BAZ2B: variants seen among roughly 807,000 people sequenced by gnomAD.
The protein encoded by BAZ2B is bromodomain adjacent to zinc finger domain protein 2B.
In BAZ2B, 91 loss-of-function variants were observed where a neutral mutation model predicts 246.0. That is an observed-to-expected ratio of 0.37 (90% CI 0.31 to 0.44). The LOEUF (loss-of-function observed/expected upper bound fraction) is 0.44. Ranked by LOEUF, BAZ2B falls within the 20% of genes least tolerant of loss-of-function variation. The pLI is 1.00. For missense variants in BAZ2B, 2,332 were observed against 2,533.7 expected, an observed-to-expected ratio of 0.92 and a Z score of 1.71; for synonymous variants, 855 against 860.0, an observed-to-expected ratio of 0.99 and a Z score of 0.10.
chr2:159,462,367 A>T (rs2076511653), intron 3 of BAZ2B: 2 of 1,153,178 alleles, frequency 1.7e-6, no homozygotes, highest in Non-Finnish European at 2.6e-6. Flanking sequence ...GTCTTTCCAC[A>T]TACTGAAGAA....
In BAZ2B at chr2:159,433,163, AAT is replaced by A; in HGVS notation, c.1492_1493del (p.Ile498SerfsTer16). The A allele has an allele frequency of 6.2e-7, 1 of 1,614,186 alleles. No homozygotes were observed. Among genetic ancestry groups the A allele is most frequent in the Non-Finnish European group, 8.5e-7 (1 of 1,180,022 alleles). Reference protein sequence around the residue: ...LLGNHQPNGVIQSVIQEAPLA... With the variant: ...LLGNHQPNGVXQSVIQEAPLA... ...GAGGAGCTTCTTGAATGACACTTTG[AAT>A]AACTCCATTTGGTTGGTGATTACCT... On this transcript the variant is annotated frameshift_variant, in exon 9 of 37. Coordinates refer to ENST00000392783, the MANE Select transcript of BAZ2B (RefSeq NM_013450.4). LOFTEE classifies it high-confidence loss of function.
At chr2:159,468,648 G>A (rs756972688) in intron 3 of BAZ2B, among the ~76,000 whole-genome samples, 2 of 152,192 alleles carry the variant, frequency 1.3e-5, no homozygotes, top group Non-Finnish European at 1.5e-5. Flanking sequence ...TAAAACTTAT[G>A]TGCCGCAGCT....
chr2:159,688,283 T>C, the BAZ2B span, among the ~76,000 whole-genome samples: 1 of 152,194 alleles, frequency 6.6e-6, no homozygotes, highest in Non-Finnish European at 1.5e-5. Flanking sequence ...CTCAAGCAGC[T>C]TCCCAAAATG....
At chr2:159,604,951 T>TGTGTGTGCGC (rs137899225) in intron 1 of BAZ2B, among the ~76,000 whole-genome samples, 15 of 144,428 alleles carry the variant, frequency 1.0e-4, no homozygotes, top group African/African-American at 3.4e-4. Flanking sequence ...TGTGTGTGTG[T>TGTGTGTGCGC]GCGCGTGTGT....
At chr2:159,627,122 A>T in the BAZ2B span, among the ~76,000 whole-genome samples, 1 of 152,186 alleles carries the variant, frequency 6.6e-6, no homozygotes, top group Admixed American at 6.5e-5. Context: ...AACAAAGAAG[A>T]AGTTGAATCC....
chr2:159,589,536 T>C (rs1688812576), intron 1 of BAZ2B, among the ~76,000 whole-genome samples: 1 of 152,196 alleles, frequency 6.6e-6, no homozygotes, highest in Admixed American at 6.5e-5. Flanking sequence ...CTATTTGAGT[T>C]ACAGTATTTA....
chr2:159,698,515 C>CA, the BAZ2B span, among the ~76,000 whole-genome samples: 89,782 of 130,270 alleles, frequency 0.69, 30,676 homozygotes, highest in Admixed American at 0.74. Flanking sequence ...CACCATCCCA[C>CA]AAAAAAAAAA....
chr2:159,576,560 G>T (rs1281176292), intron 1 of BAZ2B, among the ~76,000 whole-genome samples: 1 of 151,190 alleles, frequency 6.6e-6, no homozygotes, highest in Non-Finnish European at 1.5e-5. Flanking sequence ...ACCCAGAATT[G>T]GTAGTTTTAG....
At chr2:159,509,017 G>A (rs1006922660) in intron 2 of BAZ2B, among the ~76,000 whole-genome samples, 15 of 152,112 alleles carry the variant, frequency 9.9e-5, no homozygotes, top group Admixed American at 5.2e-4. Context: ...GTCCCTCACT[G>A]ATCTATGAAA....
chr2:159,477,659 G>A (rs528230771), intron 3 of BAZ2B, among the ~76,000 whole-genome samples: 49 of 152,152 alleles, frequency 3.2e-4, no homozygotes, highest in African/African-American at 1.2e-3. Context: ...ATAAGAAATA[G>A]TTAAAATTAA....
At chr2:159,582,910 A>G (rs1301524312) in intron 1 of BAZ2B, among the ~76,000 whole-genome samples, 1 of 152,088 alleles carries the variant, frequency 6.6e-6, no homozygotes, top group Non-Finnish European at 1.5e-5. Context: ...ACCCAAGAGA[A>G]TTTTTCAATT....
At chr2:159,473,606 T>C (rs189142271) in intron 3 of BAZ2B, among the ~76,000 whole-genome samples, 101 of 152,342 alleles carry the variant, frequency 6.6e-4, no homozygotes, top group Admixed American at 5.7e-3. Context: ...CTGAGAGCTT[T>C]TGAATTTGTT....
Position 159,398,885 on chromosome 2 carries a change from T to G in BAZ2B, c.2908A>C (p.Lys970Gln). The change falls in exon 18 of 37, where the codon AAA becomes CAA. Residue 970 changes from lysine to glutamine, a missense_variant. Physicochemically the swap from Lys to Gln is moderately conservative, Grantham distance 53 (BLOSUM62 1). Coordinates refer to ENST00000392783, the MANE Select transcript of BAZ2B (RefSeq NM_013450.4). ...RAQQILEAKK[K>Q]KKEEAANAKL... ...GCATTTGCCGCTTCTTCCTTCTTTT[T>G]CTTTTTAGCCTGTGCATGCAAAACA... 1 of 1,610,606 alleles carries G rather than the reference T, an allele frequency of 6.2e-7. No individual in the cohort carries two copies. Among genetic ancestry groups the G allele is most frequent in the Non-Finnish European group, 8.5e-7 (1 of 1,179,800 alleles).
At chr2:159,425,623 T>G (rs2069680168) in intron 13 of BAZ2B, among the ~76,000 whole-genome samples, 1 of 152,238 alleles carries the variant, frequency 6.6e-6, no homozygotes, top group African/African-American at 2.4e-5. Context: ...TCTTTTAATA[T>G]CCAGTTTTTT....
rs1012906154 is a variant in BAZ2B at position 159,523,906 on chromosome 2, A to G, written c.-3+31917T>C. On this transcript the variant is annotated intron_variant, in intron 2 of 36. Transcript: ENST00000392783. ...AGGGAATAATTTATTTGTTGTGCCC[A>G]AAGTCCACGGCCTATCTTTTGCTTA... Among the ~76,000 whole-genome samples the G allele has an allele frequency of 7.2e-5, 11 of 152,198 alleles. 1 individual carries two copies. The highest frequency in any genetic ancestry group is 1.3e-4 in the Admixed American group (2 of 15,280).
At chr2:159,693,207 T>C in the BAZ2B span, 1 of 152,158 alleles carries the variant, frequency 6.6e-6, no homozygotes, top group Admixed American at 6.5e-5. Flanking sequence ...TTGTGCTGTC[T>C]TTAGGAATTG....
the BAZ2B span, among the ~76,000 whole-genome samples, chr2:159,623,369 G>C: frequency 6.6e-6 from 1 of 150,920 alleles, no homozygotes; most frequent in Non-Finnish European, 1.5e-5. Flanking sequence ...CCCTGTCTCA[G>C]AAAAAAAACA....
intron 13 of BAZ2B, among the ~76,000 whole-genome samples, chr2:159,419,022 T>C (rs1295335528): frequency 1.3e-5 from 2 of 152,348 alleles, no homozygotes; most frequent in East Asian, 3.9e-4. Flanking sequence ...ATTTACCAAA[T>C]TGATTTCTGG....
At chr2:159,411,973 GTA>G (rs2066906508) in intron 14 of BAZ2B, 1 of 985,262 alleles carries the variant, frequency 1.0e-6, no homozygotes, top group Non-Finnish European at 1.2e-6. Flanking sequence ...TTATTCCCAT[GTA>G]CCACCTCAAG....
Sources: allele counts gnomAD v4.1 joint callset (sites outside exome capture counted in the v4.1 genomes callset), GRCh38; gene constraint gnomAD v4.1.1; transcripts MANE v1.5; gene names NCBI Gene and HGNC (gene_info 2026-07-23, HGNC 2026-07-21).